AGBL4: variants seen among roughly 807,000 people sequenced by gnomAD.
AGBL4 encodes cytosolic carboxypeptidase 6.
Under a neutral mutation model 66.4 loss-of-function variants are expected in AGBL4, and 58 were observed. That is an observed-to-expected ratio of 0.87 (90% CI 0.71 to 1.09). The LOEUF (loss-of-function observed/expected upper bound fraction) is 1.09, where lower values mean the gene tolerates loss of function less well. AGBL4 is among the 50% of genes least tolerant of loss of function. The pLI, the probability that AGBL4 is intolerant of heterozygous loss-of-function variation, is 0.00. For missense variants in AGBL4, 579 were observed against 631.0 expected (o/e 0.92, Z 0.88); for synonymous variants, 234 against 222.9 (o/e 1.05, Z -0.44).
At chr1:49,198,632 C>T (rs11591141) in intron 4 of AGBL4, among the ~76,000 whole-genome samples, 84,950 of 151,960 alleles carry the variant, frequency 0.56, 24,384 homozygotes, top group Middle Eastern at 0.63. Flanking sequence ...GAAGCACACC[C>T]GGCCAACGGT....
Position 48,570,062 on chromosome 1 carries a change from C to G in AGBL4, c.1267+16942G>C, listed in dbSNP as rs543887135. Among the ~76,000 whole-genome samples the G allele has an allele frequency of 3.3e-4, 51 of 152,366 alleles. 1 individual carries two copies. The South Asian group carries it at 3.5e-3, about 11-fold the overall frequency. On this transcript the variant is annotated intron_variant, in intron 11 of 13. Coordinates refer to ENST00000371839, the MANE Select transcript of AGBL4 (RefSeq NM_032785.4). ...TTAATATTCACTGTGCTGCTGCTCA[C>G]TGTGGAACAGCCACTGACCATAAAG...
intron 3 of AGBL4, among the ~76,000 whole-genome samples, chr1:49,671,985 G>A (rs530447492): frequency 2.0e-4 from 30 of 152,152 alleles, no homozygotes; most frequent in African/African-American, 7.2e-4. Flanking sequence ...CCATTACTGG[G>A]TACACACCCA....
At chr1:48,585,001 G>T (rs766683411) in intron 11 of AGBL4, 3 of 152,144 alleles carry the variant, frequency 2.0e-5, no homozygotes, top group Non-Finnish European at 4.4e-5. Context: ...TCCCCAAGTA[G>T]ACTGAAAGTT....
intron 2 of AGBL4, among the ~76,000 whole-genome samples, chr1:49,751,838 T>C (rs1651493257): frequency 6.6e-6 from 1 of 152,050 alleles, no homozygotes; most frequent in Non-Finnish European, 1.5e-5. Flanking sequence ...TATCCATTTC[T>C]TCTAGATTTT....
intron 3 of AGBL4, among the ~76,000 whole-genome samples, chr1:49,355,183 C>T (rs2148526311): frequency 6.6e-6 from 1 of 152,256 alleles, no homozygotes. Context: ...GCACTCGATC[C>T]AACTACTTAA....
chr1:48,868,427 G>C (rs932329569), intron 5 of AGBL4, among the ~76,000 whole-genome samples: 1 of 152,102 alleles, frequency 6.6e-6, no homozygotes, highest in Non-Finnish European at 1.5e-5. Flanking sequence ...CATACTCCTG[G>C]CAATTGTACA....
At chr1:49,753,401 C>A (rs1436753439) in intron 2 of AGBL4, among the ~76,000 whole-genome samples, 1 of 152,190 alleles carries the variant, frequency 6.6e-6, no homozygotes, top group South Asian at 2.1e-4. Flanking sequence ...TTGGACCCCA[C>A]TCTTTTCTGA....
At chr1:48,664,959 A>G (rs953518172) in intron 6 of AGBL4, among the ~76,000 whole-genome samples, 1 of 152,132 alleles carries the variant, frequency 6.6e-6, no homozygotes, top group Non-Finnish European at 1.5e-5. Context: ...AATTAATAGG[A>G]TTTCTCCTTC....
intron 3 of AGBL4, among the ~76,000 whole-genome samples, chr1:49,355,419 T>C (rs1643999449): frequency 6.6e-6 from 1 of 152,180 alleles, no homozygotes; most frequent in African/African-American, 2.4e-5. Flanking sequence ...CTGCCTAACA[T>C]TTCTCCATCT....
chr1:49,783,067 A>T (rs1644373977), intron 2 of AGBL4, among the ~76,000 whole-genome samples: 1 of 151,930 alleles, frequency 6.6e-6, no homozygotes, highest in South Asian at 2.1e-4. Flanking sequence ...GGCCCTTGCC[A>T]GACACTGAAT....
intron 1 of AGBL4, among the ~76,000 whole-genome samples, chr1:49,936,601 C>T (rs1055314652): frequency 2.2e-4 from 33 of 152,138 alleles, no homozygotes; most frequent in African/African-American, 8.0e-4. Flanking sequence ...GGTCGGGTTA[C>T]CCACAAAGGG....
chr1:49,263,720 C>G (rs987166328), intron 3 of AGBL4, among the ~76,000 whole-genome samples: 1 of 152,134 alleles, frequency 6.6e-6, no homozygotes, highest in Non-Finnish European at 1.5e-5. Context: ...AGAAGAGCCT[C>G]TTTAGAGGGG....
chr1:48,552,639 G>A (rs1479608755), intron 11 of AGBL4, among the ~76,000 whole-genome samples: 1 of 152,106 alleles, frequency 6.6e-6, no homozygotes, highest in African/African-American at 2.4e-5. Context: ...ACCTCATTGT[G>A]ACAACCAAGT....
intron 3 of AGBL4, among the ~76,000 whole-genome samples, chr1:49,292,121 C>G (rs1644545817): frequency 6.6e-6 from 1 of 152,234 alleles, no homozygotes; most frequent in South Asian, 2.1e-4. Context: ...CAGGGCTGAG[C>G]CTGGGTGCTG....
At chr1:49,741,050 A>T (rs1226193085) in intron 2 of AGBL4, among the ~76,000 whole-genome samples, 1 of 151,910 alleles carries the variant, frequency 6.6e-6, no homozygotes, top group East Asian at 1.9e-4. Flanking sequence ...AACTACGATC[A>T]GAGCAGAACT....
downstream of AGBL4, among the ~76,000 whole-genome samples, chr1:48,532,622 A>G (rs1643912674): frequency 6.6e-6 from 1 of 152,132 alleles, no homozygotes; most frequent in Non-Finnish European, 1.5e-5. Flanking sequence ...TCATTTCCAA[A>G]AGGCTGATAC....
At chr1:48,992,705 T>C (rs1050727585) in intron 5 of AGBL4, among the ~76,000 whole-genome samples, 6 of 152,084 alleles carry the variant, frequency 3.9e-5, no homozygotes, top group Non-Finnish European at 8.8e-5. Flanking sequence ...AAGATGAAGT[T>C]CTTCCCATCC....
chr1:49,268,409 AACACACAC>A (rs66639251), intron 3 of AGBL4: 1,895 of 132,984 alleles, frequency 0.014, 42 homozygotes, highest in African/African-American at 0.043. Context: ...TTTTTTTTTA[AACACACAC>A]ACACACACAC....
intron 1 of AGBL4, among the ~76,000 whole-genome samples, chr1:49,945,221 G>T (rs1310733738): frequency 6.6e-6 from 1 of 152,054 alleles, no homozygotes; most frequent in Non-Finnish European, 1.5e-5. Context: ...AAGAATGCCT[G>T]GGAAATGCAT....
Sources: gnomAD v4.1 joint callset for allele counts (sites outside exome capture counted in the v4.1 genomes callset) on GRCh38, gnomAD v4.1.1 for gene constraint, MANE v1.5 for transcripts, NCBI Gene and HGNC (gene_info 2026-07-23, HGNC 2026-07-21) for gene names.